The following PCDHA7 variants were observed in gnomAD, a reference collection of about 807,000 sequenced individuals.
PCDHA7 encodes the protein protocadherin alpha 7.
PCDHA7 carries 37 observed loss-of-function variants against 57.2 expected under a neutral mutation model. That is an observed-to-expected ratio of 0.65 (90% confidence interval 0.50 to 0.85). The LOEUF is 0.85. Among genes scored for constraint, PCDHA7 ranks in the 40% least tolerant of loss-of-function variants. The pLI is 0.00. For synonymous variants in PCDHA7, 553 were observed against 558.8 expected, an observed-to-expected ratio of 0.99 and a Z score of 0.15; for missense variants, 1,188 against 1,241.8, an observed-to-expected ratio of 0.96 and a Z score of 0.65.
chr5:140,865,243 T>C (rs1554159328), intron 1 of PCDHA7: 1 of 152,228 alleles, frequency 6.6e-6, no homozygotes, highest in Non-Finnish European at 1.5e-5. Flanking sequence ...CACGTATTTA[T>C]AGCTGTAAGG....
intron 1 of PCDHA7, among the ~76,000 whole-genome samples, chr5:140,957,854 T>C (rs2095390646): frequency 6.6e-6 from 1 of 151,872 alleles, no homozygotes; most frequent in Non-Finnish European, 1.5e-5. Context: ...GTTTGTGTAT[T>C]TTTTTTCCTA....
At position 140,851,914 on chromosome 5, in the gene PCDHA7, A is replaced by G. The variant is rs1213624827; in HGVS notation, c.2355+15176A>G. 6 of 969,578 alleles carry G rather than the reference A, an allele frequency of 6.2e-6. No individual in the cohort carries two copies. The African/African-American group carries it at 7.1e-5, about 11-fold the overall frequency. 60.1% of individuals were successfully genotyped at this position (969,578 alleles called of 1,614,324 possible). On this transcript the variant is annotated intron_variant, in intron 1 of 3. Coordinates refer to ENST00000525929, the MANE Select transcript of PCDHA7 (RefSeq NM_018910.3). ...AGATTTGCCTCTTTAATGTCACTAC[A>G]TGTTATGTTTCCTGAATTGTAGTAT... is the stretch of plus-strand genomic sequence containing the variant.
At chr5:140,993,032 G>A (rs1356944264) in intron 3 of PCDHA7, among the ~76,000 whole-genome samples, 2 of 152,286 alleles carry the variant, frequency 1.3e-5, no homozygotes, top group South Asian at 2.1e-4. Flanking sequence ...TGTGGGCTCC[G>A]TGTGTCATCA....
At chr5:140,858,241 G>T in intron 1 of PCDHA7, 1 of 1,596,686 alleles carries the variant, frequency 6.3e-7, no homozygotes, top group Non-Finnish European at 8.6e-7. Context: ...GCGCATGTGG[G>T]CCGGTGAAGC....
intron 1 of PCDHA7, chr5:140,859,517 T>A (rs1364411363): frequency 5.1e-6 from 1 of 195,368 alleles, no homozygotes; most frequent in Admixed American, 5.8e-5. Flanking sequence ...ATGATTTCAT[T>A]TTTAAAAAAA....
chr5:140,850,782 G>A (rs1485656675), intron 1 of PCDHA7: 2 of 1,598,136 alleles, frequency 1.3e-6, no homozygotes, highest in African/African-American at 1.3e-5. Flanking sequence ...CTCTGGCGAG[G>A]GTAAGCAGAA....
intron 1 of PCDHA7, chr5:140,881,349 A>G: frequency 2.0e-6 from 2 of 985,302 alleles, no homozygotes; most frequent in Non-Finnish European, 2.4e-6. Flanking sequence ...TCGGGCTACA[A>G]TGCGTGGCTT....
intron 1 of PCDHA7, chr5:140,869,346 T>G (rs781810947): frequency 4.3e-6 from 7 of 1,613,936 alleles, no homozygotes; most frequent in East Asian, 2.2e-5. Flanking sequence ...ATCTGCAGAA[T>G]GGCATTTTGT....
intron 1 of PCDHA7, among the ~76,000 whole-genome samples, chr5:140,960,274 C>A (rs1291069063): frequency 6.6e-6 from 1 of 152,130 alleles, no homozygotes. Context: ...ATTCCGTCAC[C>A]TTTTTGGGAC....
intron 1 of PCDHA7, among the ~76,000 whole-genome samples, chr5:140,880,418 G>T (rs1554171267): frequency 6.6e-6 from 1 of 152,090 alleles, no homozygotes; most frequent in Non-Finnish European, 1.5e-5. Flanking sequence ...CTTAAAAGCG[G>T]GAACAGTTTT....
chr5:141,005,936 G>A (rs1233031842), intron 3 of PCDHA7, among the ~76,000 whole-genome samples: 1 of 151,890 alleles, frequency 6.6e-6, no homozygotes, highest in African/African-American at 2.4e-5. Context: ...GACAGAGTGA[G>A]AACCTATCTC....
In PCDHA7 at chr5:140,904,730, A is replaced by AT. The variant is rs538757271; in HGVS notation, c.2355+67999dup. 7.6e-4 allele frequency among the ~76,000 whole-genome samples: 116 copies of AT among 152,104 alleles called. 1 individual carries two copies. The highest frequency in any genetic ancestry group is 6.8e-3 in the Middle Eastern group (2 of 294). On this transcript the variant is annotated intron_variant, in intron 1 of 3. Transcript: ENST00000525929. ...CACCACATTCTGGCCAACATCTATT[A>AT]TTTTTTTATTATGACCATTTTTGCA...
intron 1 of PCDHA7, among the ~76,000 whole-genome samples, chr5:140,840,071 T>C (rs1307463019): frequency 6.6e-6 from 1 of 151,952 alleles, no homozygotes; most frequent in Non-Finnish European, 1.5e-5. Flanking sequence ...AATTAGTCAA[T>C]AGAAAGATAA....
At position 140,927,270 on chromosome 5, in the gene PCDHA7, C is replaced by T. The variant is rs541200655; in HGVS notation, c.2356-51679C>T. 5 of 1,614,150 alleles carry T rather than the reference C, an allele frequency of 3.1e-6. No individual in the cohort carries two copies. The South Asian group carries it at 3.3e-5, about 11-fold the overall frequency. ...ATGACAACTCACCTCTCTTTCCTGCCGGCGACGTGCAGCTGCACATCCCCG... is the reference window on the plus strand; with the variant it reads ...ATGACAACTCACCTCTCTTTCCTGCTGGCGACGTGCAGCTGCACATCCCCG... On this transcript the variant is annotated intron_variant, in intron 1 of 3. Transcript: ENST00000525929.
chr5:140,906,816 G>A (rs574852506), intron 1 of PCDHA7, among the ~76,000 whole-genome samples: 6 of 152,360 alleles, frequency 3.9e-5, no homozygotes, highest in African/African-American at 1.4e-4. Context: ...TACCTCCACT[G>A]TGGAGTAGTA....
chr5:140,837,516 C>CA (rs149634951), intron 1 of PCDHA7, among the ~76,000 whole-genome samples: 2,511 of 151,672 alleles, frequency 0.017, 104 homozygotes, highest in African/African-American at 0.056. Flanking sequence ...AAGCAGTTTA[C>CA]TTTTTTTGTA....
At chr5:140,888,173 T>A (rs1231331780) in intron 1 of PCDHA7, among the ~76,000 whole-genome samples, 1 of 152,224 alleles carries the variant, frequency 6.6e-6, no homozygotes, top group African/African-American at 2.4e-5. Context: ...AATAAGATGC[T>A]AGACATTGTG....
Position 140,850,049 on chromosome 5 carries a change from C to T in PCDHA7, c.2355+13311C>T, listed in dbSNP as rs1354549642. 22 of 1,596,350 alleles carry T rather than the reference C, an allele frequency of 1.4e-5. 2 individuals carry two copies. Among genetic ancestry groups the T allele is most frequent in the Non-Finnish European group, 1.9e-5 (22 of 1,167,808 alleles). Reference sequence around the variant, plus strand: ...TGCACGCGGAGAGCGGCAAGGTGTACGCGCTGCAGCCGTTGGACCACGAGG... The same window carrying T: ...TGCACGCGGAGAGCGGCAAGGTGTATGCGCTGCAGCCGTTGGACCACGAGG... On this transcript the variant is annotated intron_variant, in intron 1 of 3. Coordinates refer to ENST00000525929, the MANE Select transcript of PCDHA7 (RefSeq NM_018910.3).
chr5:141,000,389 C>CTA (rs2097911342), intron 3 of PCDHA7, among the ~76,000 whole-genome samples: 14 of 62,576 alleles, frequency 2.2e-4, no homozygotes, highest in South Asian at 6.5e-4. Context: ...CTCTCTCTCT[C>CTA]TCTCTCTATA....
Sources: allele counts gnomAD v4.1 joint callset (sites outside exome capture counted in the v4.1 genomes callset), GRCh38; gene constraint gnomAD v4.1.1; transcripts MANE v1.5; gene names NCBI Gene and HGNC (gene_info 2026-07-23, HGNC 2026-07-21).